KIAA0319: variants seen among roughly 807,000 people sequenced by gnomAD.
KIAA0319 encodes the protein dyslexia-associated protein KIAA0319.
Under a neutral mutation model 108.4 loss-of-function variants are expected in KIAA0319, and 83 were observed. That is an observed-to-expected ratio of 0.77 (90% CI 0.64 to 0.92). The LOEUF is 0.92. KIAA0319 is among the 40% of genes least tolerant of loss of function. The pLI is 0.00. For missense variants in KIAA0319, 1,195 were observed against 1,322.4 expected, an observed-to-expected ratio of 0.90 and a Z score of 1.49; for synonymous variants, 484 against 510.4, an observed-to-expected ratio of 0.95 and a Z score of 0.70.
chr6:24,599,188 A>G lies in KIAA0319; in HGVS notation c.55+1861T>C. ...ACCAACTGTAGCCAGGCCGGGGCTG[A>G]CAGCCTGTACCAGGTCAAGTATGAG... On this transcript the variant is annotated intron_variant, in intron 2 of 20. Coordinates refer to ENST00000378214, the MANE Select transcript of KIAA0319 (RefSeq NM_014809.4). This position sits in a 1 kb window ranked among gnomAD's most constrained non-coding sequence, Gnocchi z 4.1. 1.8e-6 allele frequency: 1 copy of G among 546,370 alleles called. No individual in the cohort carries two copies. Among genetic ancestry groups the G allele is most frequent in the Non-Finnish European group, 3.3e-6 (1 of 298,900 alleles). 33.8% of individuals were successfully genotyped at this position (546,370 alleles called of 1,614,324 possible).
At chr6:24,552,475 G>A (rs1761653425) in intron 19 of KIAA0319, among the ~76,000 whole-genome samples, 2 of 152,330 alleles carry the variant, frequency 1.3e-5, no homozygotes, top group Admixed American at 6.5e-5. Flanking sequence ...ATATGGCTCT[G>A]GGAAAACTTA....
chr6:24,576,731 G>T (rs1765598358), intron 9 of KIAA0319, 135 bp from the exon 10 acceptor site: 1 of 694,898 alleles, frequency 1.4e-6, no homozygotes, highest in Non-Finnish European at 2.5e-6. Context: ...GACCAGCTGG[G>T]CCATAGAAGG....
intron 19 of KIAA0319, 90 bp from the exon 20 acceptor site, chr6:24,551,615 C>A: frequency 2.2e-6 from 2 of 902,324 alleles, no homozygotes; most frequent in Non-Finnish European, 3.6e-6. Context: ...CTAAAGGAAA[C>A]ATTTTGCCTT....
At position 24,599,117 on chromosome 6, in the gene KIAA0319, C is replaced by T; in HGVS notation, c.55+1932G>A. 1 of 667,980 alleles carries T rather than the reference C, an allele frequency of 1.5e-6. No individual in the cohort carries two copies. The allele number at this position is 667,980 out of a possible 1,614,324, so 41.4% of individuals were successfully genotyped here. On this transcript the variant is annotated intron_variant, in intron 2 of 20. Transcript: ENST00000378214. The surrounding 1 kb of genome is among the most constrained non-coding windows in gnomAD (Gnocchi z 4.1). The stretch of plus-strand genomic sequence containing the variant: ...CCATGGACAACAGCTGGTCCCTGGA[C>T]ATGGACAGCATCATTGCTGAGGTCA...
intron 8 of KIAA0319, 49 bp from the exon 9 acceptor site, chr6:24,578,291 A>T (rs1267883564): frequency 1.4e-6 from 2 of 1,419,670 alleles, no homozygotes; most frequent in Non-Finnish European, 1.9e-6. Context: ...GAAGAGGAAG[A>T]CATAAGTTTT....
intron 11 of KIAA0319, 98 bp from the exon 12 acceptor site, chr6:24,570,133 C>G: frequency 8.7e-7 from 1 of 1,142,966 alleles, no homozygotes; most frequent in Non-Finnish European, 1.3e-6. Context: ...ATCTTCAGAC[C>G]AGGCAGCCAC....
rs754050366 is a variant in KIAA0319, at chr6:24,596,323, C to T, written c.351G>A (p.Gly117=). ...VQRPAQLLDY[G]DMMLNRGSPS... ...GGGAGCCCCTGTTCAGCATCATGTC[C>T]CCATAGTCCAGCAGCTGTGCAGGCC... The change falls in exon 3 of 21, where the codon GGG becomes GGA. Residue 117 remains glycine (G), a synonymous_variant. Transcript: ENST00000378214. The T allele has an allele frequency of 1.9e-6, 3 of 1,614,176 alleles. No individual in the cohort carries two copies. The highest frequency in any genetic ancestry group is 3.3e-5 in the Admixed American group (2 of 60,022).
At chr6:24,595,546 CAAAA>C (rs60291863) in intron 3 of KIAA0319, among the ~76,000 whole-genome samples, 6 of 43,274 alleles carry the variant, frequency 1.4e-4, no homozygotes, top group Non-Finnish European at 2.7e-4. Flanking sequence ...GATTCAATCT[CAAAA>C]AAAAAAAAAA....
intron 12 of KIAA0319, 60 bp from the exon 13 acceptor site, chr6:24,568,989 G>A (rs1346794258): frequency 2.0e-6 from 3 of 1,533,488 alleles, no homozygotes; most frequent in African/African-American, 2.7e-5. Flanking sequence ...AATATGACAG[G>A]CATGCGATTT....
intron 1 of KIAA0319, among the ~76,000 whole-genome samples, chr6:24,621,754 A>G (rs997214773): frequency 2.0e-5 from 3 of 152,238 alleles, no homozygotes; most frequent in Non-Finnish European, 4.4e-5. Context: ...GATAGAAAGC[A>G]GATGGCATGG....
intron 16 of KIAA0319, among the ~76,000 whole-genome samples, chr6:24,560,818 A>G (rs1437446611): frequency 6.6e-6 from 1 of 152,196 alleles, no homozygotes; most frequent in Non-Finnish European, 1.5e-5. Context: ...TAACTTCTTA[A>G]CTAATTACAT....
At chr6:24,551,653 TAAA>T in intron 19 of KIAA0319, 128 bp from the exon 20 acceptor site, 2 of 648,300 alleles carry the variant, frequency 3.1e-6, no homozygotes, top group South Asian at 3.8e-5. Flanking sequence ...CGTCTTTTAT[TAAA>T]GAAACATACA....
chr6:24,619,566 A>G (rs1270723148), intron 1 of KIAA0319, among the ~76,000 whole-genome samples: 2 of 152,186 alleles, frequency 1.3e-5, no homozygotes, highest in African/African-American at 2.4e-5. Flanking sequence ...GGCTGGAGAC[A>G]TACACTGGGA....
chr6:24,558,570 G>A (rs2744543), intron 17 of KIAA0319, among the ~76,000 whole-genome samples: 44,541 of 151,998 alleles, frequency 0.29, 7,827 homozygotes, highest in African/African-American at 0.5. Context: ...GAGTACCCTG[G>A]AAGGGGTGGT....
At chr6:24,564,169 C>A (rs201872640) in intron 15 of KIAA0319, 33 bp downstream of exon 15, 2 of 1,613,638 alleles carry the variant, frequency 1.2e-6, no homozygotes, top group East Asian at 4.5e-5. Context: ...CAGCCAGAGC[C>A]TGCATGGCCA....
At chr6:24,605,594 T>C (rs1007846251) in intron 1 of KIAA0319, among the ~76,000 whole-genome samples, 5 of 152,268 alleles carry the variant, frequency 3.3e-5, no homozygotes, top group Middle Eastern at 3.4e-3. Context: ...AGTGACAAAA[T>C]AGAACTTTTA....
intron 2 of KIAA0319, chr6:24,598,877 T>TA (rs879491567): frequency 2.6e-3 from 763 of 298,938 alleles, no homozygotes; most frequent in East Asian, 3.7e-3. Flanking sequence ...AGACTGCATT[T>TA]AAAAAAAAAA....
intron 16 of KIAA0319, among the ~76,000 whole-genome samples, chr6:24,560,572 A>G (rs1182002475): frequency 6.6e-6 from 1 of 152,224 alleles, no homozygotes; most frequent in Non-Finnish European, 1.5e-5. Flanking sequence ...GAAGTGGCTT[A>G]AAACAACAGA....
chr6:24,588,465 G>A lies in KIAA0319; in HGVS notation c.994+128C>T, dbSNP rs140491440. On this transcript the variant is annotated intron_variant, in intron 4 of 20. Transcript: ENST00000378214. ...CTTTTTATTCCCAGTATGCAGCACCGTTTCTGGCACATGATAGATGCTGAA... is the reference window on the plus strand; with the variant it reads ...CTTTTTATTCCCAGTATGCAGCACCATTTCTGGCACATGATAGATGCTGAA... 1.5e-4 allele frequency: 111 copies of A among 765,126 alleles called. 1 individual carries two copies. Among genetic ancestry groups the A allele is most frequent in the Admixed American group, 1.2e-3 (56 of 46,268 alleles). The allele number at this position is 765,126 out of a possible 1,614,324, so 47.4% of individuals were successfully genotyped here.
Sources: allele counts gnomAD v4.1 joint callset (sites outside exome capture counted in the v4.1 genomes callset), GRCh38; gene constraint gnomAD v4.1.1; non-coding constraint Gnocchi (gnomAD v3.1); transcripts MANE v1.5; gene names NCBI Gene and HGNC (gene_info 2026-07-23, HGNC 2026-07-21).